Variants in MYBPC1 observed in about 807,000 individuals in gnomAD.
MYBPC1 encodes myosin binding protein C1, also known as myosin-binding protein C, slow-type.
In MYBPC1, 52 loss-of-function variants were observed where a neutral mutation model predicts 147.1. The ratio of observed to expected loss-of-function variants is 0.35; its 90% confidence interval spans 0.28 to 0.45. The LOEUF (loss-of-function observed/expected upper bound fraction) is 0.45, where lower values mean the gene tolerates loss of function less well. Among genes scored for constraint, MYBPC1 ranks in the 20% least tolerant of loss-of-function variants. MYBPC1 has a pLI of 1.00. For synonymous variants in MYBPC1, 477 were observed against 475.9 expected, an observed-to-expected ratio of 1.00 and a Z score of -0.03; for missense variants, 1,228 against 1,440.3, an observed-to-expected ratio of 0.85 and a Z score of 2.39.
intron 10 of MYBPC1, among the ~76,000 whole-genome samples, chr12:101,639,807 C>T (rs779291968): frequency 1.8e-4 from 28 of 151,890 alleles, no homozygotes; most frequent in African/African-American, 1.5e-4. Flanking sequence ...TTAAATCCTC[C>T]GCCAATGTCA....
intron 22 of MYBPC1, among the ~76,000 whole-genome samples, chr12:101,665,579 C>T (rs1897282906): frequency 6.6e-6 from 1 of 152,080 alleles, no homozygotes; most frequent in Non-Finnish European, 1.5e-5. Flanking sequence ...TAAAAATTCT[C>T]CTCACATGTT....
At chr12:101,610,169 T>G (rs1356002815) in intron 1 of MYBPC1, among the ~76,000 whole-genome samples, 1 of 152,222 alleles carries the variant, frequency 6.6e-6, no homozygotes, top group African/African-American at 2.4e-5. Context: ...GGTTTCCCAG[T>G]TTCCAGGTTT....
At chr12:101,677,829 T>C (rs1900338404) in intron 27 of MYBPC1, among the ~76,000 whole-genome samples, 1 of 152,242 alleles carries the variant, frequency 6.6e-6, no homozygotes, top group South Asian at 2.1e-4. Context: ...TATTTTCACA[T>C]TAGAACAAAT....
intron 22 of MYBPC1, among the ~76,000 whole-genome samples, chr12:101,665,937 G>T (rs1270420324): frequency 6.6e-6 from 1 of 152,022 alleles, no homozygotes; most frequent in African/African-American, 2.4e-5. Flanking sequence ...TATTCTAGTT[G>T]CCTGTCCCTT....
intron 3 of MYBPC1, among the ~76,000 whole-genome samples, chr12:101,622,325 T>C (rs1475530341): frequency 6.6e-6 from 1 of 152,172 alleles, no homozygotes; most frequent in Non-Finnish European, 1.5e-5. Context: ...TTCAGTCTCA[T>C]CGAACTCAAC....
In MYBPC1 at chr12:101,678,097, T is replaced by C; in HGVS notation, c.3110-5T>C. The C allele has an allele frequency of 6.2e-7, 1 of 1,612,058 alleles. No homozygotes were observed. Among genetic ancestry groups the C allele is most frequent in the South Asian group, 1.1e-5 (1 of 91,066 alleles). ...TTTAACATATTTGTAATGCTTGTTT[T>C]TAAGGTAAAATCTACAAAAATCCAG... On this transcript the variant is annotated splice_region_variant and splice_polypyrimidine_tract_variant and intron_variant, in intron 27 of 31. Transcript: ENST00000361466.
At chr12:101,603,203 G>A (rs564007521) in intron 1 of MYBPC1, among the ~76,000 whole-genome samples, 49 of 152,070 alleles carry the variant, frequency 3.2e-4, no homozygotes, top group Non-Finnish European at 6.0e-4. Context: ...AATTAGCAGG[G>A]CATGGTGGCG....
At chr12:101,615,044 C>T (rs747653635) in intron 2 of MYBPC1, 4 of 189,818 alleles carry the variant, frequency 2.1e-5, no homozygotes, top group East Asian at 2.6e-4. Context: ...TGAGGTTCAA[C>T]GTGAGGACCA....
chr12:101,678,314 A>G lies in MYBPC1; in HGVS notation c.3246+76A>G, dbSNP rs1446862566. 24 of 1,581,300 alleles carry G rather than the reference A, an allele frequency of 1.5e-5. No homozygotes were observed. The South Asian group carries it at 2.4e-4, about 16-fold the overall frequency. On this transcript the variant is annotated intron_variant, in intron 28 of 31. Coordinates refer to ENST00000361466, the MANE Select transcript of MYBPC1 (RefSeq NM_002465.4). ...GTGTTATAATGTAAGTAACAATGTA[A>G]ACAAATCCAGCTGCTACTTGTGTCT...
chr12:101,651,497 G>T, intron 16 of MYBPC1, 104 bp downstream of exon 16: 4 of 1,454,574 alleles, frequency 2.7e-6, no homozygotes, highest in South Asian at 2.3e-5. Flanking sequence ...TAGCCATAGG[G>T]AGATCATCTA....
chr12:101,636,442 A>G (rs545161679), intron 9 of MYBPC1, among the ~76,000 whole-genome samples: 1 of 152,342 alleles, frequency 6.6e-6, no homozygotes, highest in East Asian at 1.9e-4. Flanking sequence ...ATCTACAAAA[A>G]TGTGTCTTCT....
chr12:101,671,587 T>C (rs1166979987), intron 24 of MYBPC1, among the ~76,000 whole-genome samples: 1 of 152,196 alleles, frequency 6.6e-6, no homozygotes, highest in Non-Finnish European at 1.5e-5. Flanking sequence ...TTCTTCTCAC[T>C]TTCCTTCTCT....
intron 20 of MYBPC1, among the ~76,000 whole-genome samples, chr12:101,661,893 T>A (rs1896612693): frequency 2.7e-5 from 1 of 37,572 alleles, no homozygotes; most frequent in Non-Finnish European, 5.3e-5. Flanking sequence ...TGAGACTCTG[T>A]CTCAAAAAAA....
chr12:101,691,045 G>A, the MYBPC1 span, among the ~76,000 whole-genome samples: 9 of 152,088 alleles, frequency 5.9e-5, no homozygotes, highest in African/African-American at 2.2e-4. Context: ...CTACTGCAAT[G>A]CAAGCCTAGC....
intron 1 of MYBPC1, among the ~76,000 whole-genome samples, chr12:101,612,682 C>T (rs1254196722): frequency 2.0e-5 from 3 of 152,164 alleles, no homozygotes; most frequent in African/African-American, 7.2e-5. Context: ...AGGAAGAAGT[C>T]CTTGGGCATG....
intron 20 of MYBPC1, 38 bp from the exon 21 acceptor site, chr12:101,662,320 C>T: frequency 6.2e-7 from 1 of 1,605,676 alleles, no homozygotes; most frequent in East Asian, 2.2e-5. Flanking sequence ...TTTCAGAGAC[C>T]AAGGAAAAAC....
At chr12:101,661,934 A>C (rs939417972) in intron 20 of MYBPC1, among the ~76,000 whole-genome samples, 1 of 151,044 alleles carries the variant, frequency 6.6e-6, no homozygotes, top group Non-Finnish European at 1.5e-5. Context: ...AAATATTTAA[A>C]TGCTTAGAAG....
chr12:101,678,059 C>A, intron 27 of MYBPC1, 43 bp from the exon 28 acceptor site: 1 of 1,593,448 alleles, frequency 6.3e-7, no homozygotes. Context: ...ATTCTCAGGC[C>A]AATTTACATA....
chr12:101,667,482 T>C (rs1040110748), intron 22 of MYBPC1, among the ~76,000 whole-genome samples: 1 of 152,222 alleles, frequency 6.6e-6, no homozygotes, highest in Non-Finnish European at 1.5e-5. Flanking sequence ...TGAATAAAGA[T>C]TTTTCAGAAA....
Sources: gnomAD v4.1 joint callset for allele counts (sites outside exome capture counted in the v4.1 genomes callset) on GRCh38, gnomAD v4.1.1 for gene constraint, MANE v1.5 for transcripts, NCBI Gene and HGNC (gene_info 2026-07-23, HGNC 2026-07-21) for gene names.